The following DCLRE1A variants were observed in gnomAD, a reference collection of about 807,000 sequenced individuals.
DCLRE1A encodes the protein DNA cross-link repair 1A protein.
Under a neutral mutation model 91.9 loss-of-function variants are expected in DCLRE1A, and 64 were observed. The ratio of observed to expected loss-of-function variants is 0.70; its 90% confidence interval spans 0.57 to 0.86. The LOEUF (loss-of-function observed/expected upper bound fraction) is 0.86, where lower values mean the gene tolerates loss of function less well. Ranked by LOEUF, DCLRE1A falls within the 40% of genes least tolerant of loss-of-function variation. DCLRE1A has a pLI of 0.00. For synonymous variants in DCLRE1A, 416 were observed against 431.1 expected (o/e 0.96, Z 0.43); for missense variants, 1,145 against 1,213.3 (o/e 0.94, Z 0.84).
Position 113,852,899 on chromosome 10 carries a change from T to C in DCLRE1A, c.284A>G (p.Glu95Gly), listed in dbSNP as rs539489849. The C allele has an allele frequency of 6.2e-7, 1 of 1,614,170 alleles. No homozygotes were observed. Among genetic ancestry groups the C allele is most frequent in the Non-Finnish European group, 8.5e-7 (1 of 1,180,036 alleles). The change falls in exon 1 of 9, where the codon GAA (glutamate) becomes GGA (glycine). Residue 95 changes from glutamate to glycine, a missense_variant. Coordinates refer to ENST00000361384, the MANE Select transcript of DCLRE1A (RefSeq NM_014881.5). ...GDGIQQTQDK[E>G]TTPGKLCRTQ... Reference sequence around the variant, plus strand: ...TCTACAGAGTTTTCCTGGAGTAGTTTCCTTGTCTTGGGTCTGCTGAATACC... The same window carrying C: ...TCTACAGAGTTTTCCTGGAGTAGTTCCCTTGTCTTGGGTCTGCTGAATACC...
rs1228383637 is a variant in DCLRE1A at position 113,852,898 on chromosome 10, T to G, written c.285A>C (p.Glu95Asp). The stretch of plus-strand genomic sequence containing the variant: ...TTCTACAGAGTTTTCCTGGAGTAGT[T>G]TCCTTGTCTTGGGTCTGCTGAATAC... ...GDGIQQTQDK[E>D]TTPGKLCRTQ... The change falls in exon 1 of 9, where the codon GAA becomes GAC. Residue 95 changes from glutamate to aspartate, a missense_variant. Physicochemically the swap from Glu to Asp is conservative, Grantham distance 45 (BLOSUM62 2). Coordinates refer to ENST00000361384, the MANE Select transcript of DCLRE1A (RefSeq NM_014881.5). 6.2e-6 allele frequency: 10 copies of G among 1,614,030 alleles called. No individual in the cohort carries two copies. The highest frequency in any genetic ancestry group is 8.5e-6 in the Non-Finnish European group (10 of 1,180,034).
chr10:113,837,157 A>C lies in DCLRE1A; in HGVS notation c.2867T>G (p.Ile956Ser), dbSNP rs1845375361. The C allele has an allele frequency of 6.2e-7, 1 of 1,613,290 alleles. No homozygotes were observed. Among genetic ancestry groups the C allele is most frequent in the Non-Finnish European group, 8.5e-7 (1 of 1,179,754 alleles). Residue 956 changes from isoleucine (I) to serine (S), a missense_variant, in exon 8 of 9, where the codon ATT becomes AGT. Physicochemically the swap from Ile to Ser is moderately radical, Grantham distance 142. Coordinates refer to ENST00000361384, the MANE Select transcript of DCLRE1A (RefSeq NM_014881.5). The part of the protein sequence containing the change: ...LKKCGGKYNQ[I>S]LAFRPTGWTH... ...CCATCCTGTAGGTCGAAATGCCAAA[A>C]TCTGATTGTATTTCCCACCACACTT...
chr10:113,852,688 T>C (rs1341282099), intron 1 of DCLRE1A, 35 bp downstream of exon 1: 10 of 1,562,496 alleles, frequency 6.4e-6, no homozygotes, highest in Non-Finnish European at 8.7e-6. Context: ...ACTTTTTAGA[T>C]TATTTAGAAA....
rs373402804 is a variant in DCLRE1A, at chr10:113,850,478, A to C, written c.627T>G (p.Leu209=). The C allele has an allele frequency of 3.1e-6, 5 of 1,614,026 alleles. No homozygotes were observed. The highest frequency in any genetic ancestry group is 1.6e-4 in the Middle Eastern group (1 of 6,084). The part of the protein sequence containing the change: ...SETKSGVLCS[L]EERWSSYQNQ... The stretch of plus-strand genomic sequence containing the variant: ...TCTGATACGAAGACCATCTTTCCTC[A>C]AGGCTACAAAGGACGCCTGACTTAG... The change falls in exon 2 of 9, where the codon CTT becomes CTG. Residue 209 remains leucine (L), a synonymous_variant. Coordinates refer to ENST00000361384, the MANE Select transcript of DCLRE1A (RefSeq NM_014881.5).
rs1488976974 is a variant in DCLRE1A, at chr10:113,844,240, G to T, written c.2383C>A (p.Pro795Thr). 6.8e-6 allele frequency: 11 copies of T among 1,613,862 alleles called. No homozygotes were observed. Among genetic ancestry groups the T allele is most frequent in the Non-Finnish European group, 9.3e-6 (11 of 1,179,942 alleles). ...TAAAAGAGGATCATGACAGCACCTG[G>T]ACAGCTGAACACAAATGTCAAAGGA... Reference protein sequence around the residue: ...KVVLLDANHCPGAVMILFYLP... With the variant: ...KVVLLDANHCTGAVMILFYLP... Residue 795 changes from proline to threonine, a missense_variant, in exon 5 of 9, where the codon CCA becomes ACA. Coordinates refer to ENST00000361384, the MANE Select transcript of DCLRE1A (RefSeq NM_014881.5).
In DCLRE1A at chr10:113,849,183, G is replaced by T; in HGVS notation, c.1922C>A (p.Ser641Ter). The T allele has an allele frequency of 6.2e-7, 1 of 1,613,914 alleles. No homozygotes were observed. The highest frequency in any genetic ancestry group is 1.1e-5 in the South Asian group (1 of 91,066). ...SQRQKKRCRK[S>*]NSLQEGACQK... ...ACACGCTCCTTCCTGCAGTGAATTT[G>T]ACTTTCTACATCTCTTTTTTTGACG... The change falls in exon 2 of 9, where the codon TCA becomes TAA. Residue 641 changes from serine (S) to a stop codon, truncating the protein, a stop_gained. Coordinates refer to ENST00000361384, the MANE Select transcript of DCLRE1A (RefSeq NM_014881.5). LOFTEE classifies it high-confidence loss of function.
chr10:113,846,872 T>C (rs1182059082), intron 3 of DCLRE1A, among the ~76,000 whole-genome samples: 1 of 152,228 alleles, frequency 6.6e-6, no homozygotes, highest in Non-Finnish European at 1.5e-5. Flanking sequence ...AATCCATGGA[T>C]AGGGCACTCA....
intron 7 of DCLRE1A, among the ~76,000 whole-genome samples, chr10:113,838,234 T>C (rs4463806): frequency 0.8 from 121,791 of 152,128 alleles, 48,811 homozygotes; most frequent in Admixed American, 0.86. Context: ...TAGGACCTAG[T>C]TAATGTAATA....
At chr10:113,845,618 A>C (rs911239440) in intron 4 of DCLRE1A, 67 bp downstream of exon 4, 3 of 1,178,494 alleles carry the variant, frequency 2.5e-6, no homozygotes, top group Non-Finnish European at 3.8e-6. Flanking sequence ...AAAGTTATTA[A>C]TCATGCCAAT....
chr10:113,842,519 A>C, intron 5 of DCLRE1A, 31 bp from the exon 6 acceptor site: 1 of 1,596,598 alleles, frequency 6.3e-7, no homozygotes, highest in Non-Finnish European at 8.5e-7. Flanking sequence ...ACTTACTAAA[A>C]GAACAATAAA....
rs1254755784 is a variant in DCLRE1A at position 113,848,982 on chromosome 10, G to C, written c.2123C>G (p.Pro708Arg). 2 of 1,608,758 alleles carry C rather than the reference G, an allele frequency of 1.2e-6. No homozygotes were observed. Among genetic ancestry groups the C allele is most frequent in the Non-Finnish European group, 1.7e-6 (2 of 1,177,994 alleles). The change falls in exon 2 of 9, where the codon CCT becomes CGT. Residue 708 changes from proline (P) to arginine (R), a missense_variant and splice_region_variant. Pro to Arg is a moderately radical substitution (Grantham distance 103). Coordinates refer to ENST00000361384, the MANE Select transcript of DCLRE1A (RefSeq NM_014881.5). ...KKTCPFYKKI[P>R]GTGFTVDAFQ... ...CGAGTATTGACATTTCAACTTACCAGGTATTTTCTTATAGAATGGACATGT... is the reference window on the plus strand; with the variant it reads ...CGAGTATTGACATTTCAACTTACCACGTATTTTCTTATAGAATGGACATGT...
chr10:113,852,366 T>A (rs1317599289), intron 1 of DCLRE1A, among the ~76,000 whole-genome samples: 1 of 152,218 alleles, frequency 6.6e-6, no homozygotes, highest in Admixed American at 6.5e-5. Context: ...GGACAAGTTA[T>A]CTGACTTTTA....
intron 3 of DCLRE1A, among the ~76,000 whole-genome samples, chr10:113,846,824 A>AT (rs1238347834): frequency 5.3e-5 from 8 of 152,016 alleles, no homozygotes; most frequent in Admixed American, 1.3e-4. Context: ...TCATTGTATT[A>AT]TTTTTTATTT....
chr10:113,851,996 G>C (rs1589529540), intron 1 of DCLRE1A, among the ~76,000 whole-genome samples: 3 of 152,166 alleles, frequency 2.0e-5, no homozygotes, highest in Non-Finnish European at 2.9e-5. Context: ...ACTGGCATGA[G>C]CCACTGTGCC....
At chr10:113,850,957 T>C (rs1845640264) in intron 1 of DCLRE1A, among the ~76,000 whole-genome samples, 1 of 152,142 alleles carries the variant, frequency 6.6e-6, no homozygotes, top group Admixed American at 6.5e-5. Flanking sequence ...AATTTCCAGA[T>C]TTATCAAAAA....
Position 113,850,406 on chromosome 10 carries a change from C to T in DCLRE1A, c.699G>A (p.Gln233=). ...TCAGAGACGGAGACTTTTTAAAATA[C>T]TGTGTCATCAATAAGGGATCATTTG... ...SVSNDPLLMT[Q]YFKKSPSLTE... is the part of the protein sequence containing the mutation. Residue 233 remains glutamine (Q), a synonymous_variant, in exon 2 of 9, where the codon CAG becomes CAA. Coordinates refer to ENST00000361384, the MANE Select transcript of DCLRE1A (RefSeq NM_014881.5). 1 of 1,614,182 alleles carries T rather than the reference C, an allele frequency of 6.2e-7. No individual in the cohort carries two copies. The highest frequency in any genetic ancestry group is 8.5e-7 in the Non-Finnish European group (1 of 1,180,036).
chr10:113,842,546 G>A, intron 5 of DCLRE1A, 58 bp from the exon 6 acceptor site: 1 of 1,516,226 alleles, frequency 6.6e-7, no homozygotes, highest in Non-Finnish European at 8.9e-7. Flanking sequence ...ATCACCTTAA[G>A]CTGGATGCTA....
At chr10:113,836,900 A>T (rs1256980755) in intron 8 of DCLRE1A, among the ~76,000 whole-genome samples, 162 bp downstream of exon 8, 1 of 152,244 alleles carries the variant, frequency 6.6e-6, no homozygotes, top group Non-Finnish European at 1.5e-5. Flanking sequence ...ATATCAGTTT[A>T]CAATGGACTA....
intron 3 of DCLRE1A, 115 bp from the exon 4 acceptor site, chr10:113,845,918 T>TAGGA: frequency 2.3e-6 from 2 of 887,874 alleles, no homozygotes; most frequent in Non-Finnish European, 1.9e-6. Flanking sequence ...TATATTTAAG[T>TAGGA]AAACACTCCA....
Sources: allele counts gnomAD v4.1 joint callset (sites outside exome capture counted in the v4.1 genomes callset), GRCh38; gene constraint gnomAD v4.1.1; transcripts MANE v1.5; gene names NCBI Gene and HGNC (gene_info 2026-07-23, HGNC 2026-07-21).